Variants in DIO2 observed in about 807,000 individuals in gnomAD.
The protein encoded by DIO2 is type II iodothyronine deiodinase.
A neutral mutation model predicts 21.4 loss-of-function variants in DIO2; 19 were observed. The ratio of observed to expected loss-of-function variants is 0.89; its 90% CI spans 0.62 to 1.30. The LOEUF is 1.30. DIO2 is among the 50% of genes most tolerant of loss of function. The pLI, the probability that DIO2 is intolerant of heterozygous loss-of-function variation, is 0.00. For synonymous variants in DIO2, 122 were observed against 132.9 expected, an observed-to-expected ratio of 0.92 and a Z score of 0.57; for missense variants, 302 against 338.1, an observed-to-expected ratio of 0.89 and a Z score of 0.84.
intron 2 of DIO2, among the ~76,000 whole-genome samples, chr14:80,219,815 T>G (rs546382456): frequency 6.6e-5 from 10 of 152,292 alleles, no homozygotes; most frequent in Middle Eastern, 3.4e-3. Flanking sequence ...CTAAATACAG[T>G]ATTACAAAAT....
chr14:80,214,269 G>T (rs1462954319), upstream of DIO2, among the ~76,000 whole-genome samples: 2 of 152,170 alleles, frequency 1.3e-5, no homozygotes, highest in Non-Finnish European at 2.9e-5. Context: ...CCCTGCAGTG[G>T]AGACTTCAGC....
intron 2 of DIO2, among the ~76,000 whole-genome samples, chr14:80,217,117 T>A (rs1888377931): frequency 6.6e-6 from 1 of 152,192 alleles, no homozygotes; most frequent in Non-Finnish European, 1.5e-5. Context: ...AAACTAGATA[T>A]TCTATTCTAA....
intron 2 of DIO2, among the ~76,000 whole-genome samples, chr14:80,226,986 G>A (rs1421912528): frequency 2.0e-5 from 3 of 152,062 alleles, no homozygotes; most frequent in Non-Finnish European, 4.4e-5. Context: ...CAAATGATTG[G>A]CTACAGCCTA....
intron 1 of DIO2, among the ~76,000 whole-genome samples, chr14:80,208,171 T>C (rs8009555): frequency 0.15 from 22,348 of 152,142 alleles, 2,139 homozygotes; most frequent in East Asian, 0.3. Context: ...CACAAGGATA[T>C]ACTGTTCAGA....
At chr14:80,206,299 T>C in intron 1 of DIO2, 3 of 1,573,438 alleles carry the variant, frequency 1.9e-6, no homozygotes, top group Non-Finnish European at 2.6e-6. Context: ...AGTCATAAAA[T>C]GTGTCCATCT....
intron 2 of DIO2, among the ~76,000 whole-genome samples, chr14:80,218,026 T>G (rs573921945): frequency 1.2e-4 from 19 of 152,198 alleles, no homozygotes; most frequent in Admixed American, 3.3e-4. Flanking sequence ...GAGGTTAAAA[T>G]GTTTTCTCAT....
At chr14:80,211,189 C>G (rs1888172764) in intron 1 of DIO2, 62 bp downstream of exon 1, 1 of 1,508,482 alleles carries the variant, frequency 6.6e-7, no homozygotes, top group African/African-American at 1.4e-5. Flanking sequence ...GGCCTCTGGT[C>G]CCCAGCATAT....
chr14:80,205,084 C>T (rs1380753599), intron 1 of DIO2, among the ~76,000 whole-genome samples: 1 of 152,008 alleles, frequency 6.6e-6, no homozygotes, highest in African/African-American at 2.4e-5. Flanking sequence ...GCACATTTAG[C>T]TGGATTCTTT....
At position 80,225,669 on chromosome 14, in the gene DIO2, G is replaced by GA. The variant is rs1555355447; in HGVS notation, c.-277-8933_-277-8932insT. Among the ~76,000 whole-genome samples, 7 of 152,084 alleles carry GA rather than the reference G, an allele frequency of 4.6e-5. No homozygotes were observed. The East Asian group carries it at 1.2e-3, about 25-fold the overall frequency. On this transcript the variant is annotated intron_variant, in intron 2 of 4. Transcript: ENST00000553594. ...CAGCAAACACCTCAGCAGGTCGTGG[G>GA]TTTTTTTTCCTGGTGAAGTGACTCA... is the stretch of plus-strand genomic sequence containing the variant.
upstream of DIO2, chr14:80,212,022 T>A (rs117085347): frequency 2.0e-5 from 3 of 151,152 alleles, no homozygotes; most frequent in East Asian, 5.9e-4. Flanking sequence ...AGTTTTTTTT[T>A]TTTCTTTCTT....
At position 80,211,335 on chromosome 14, in the gene DIO2, G is replaced by A; in HGVS notation, c.138C>T (p.Ser46=). 6.2e-7 allele frequency: 1 copy of A among 1,613,762 alleles called. No homozygotes were observed. Among genetic ancestry groups the A allele is most frequent in the Non-Finnish European group, 8.5e-7 (1 of 1,179,862 alleles). The part of the protein sequence containing the change: ...HVVLLLSRSK[S]TRGEWRRMLT... ...GCATGCGCCGCCACTCTCCGCGAGT[G>A]GACTTGGAGCGGCTCAACAGCAGCA... The change falls in exon 1 of 2, where the codon TCC becomes TCT. Residue 46 remains serine, a synonymous_variant. Transcript: ENST00000438257.
Position 80,200,740 on chromosome 14 carries a change from G to A in DIO2, c.*1949C>T, listed in dbSNP as rs1184007384. On this transcript the variant is annotated 3_prime_UTR_variant, in exon 2 of 2. Transcript: ENST00000438257. ...GAATTTAGAACATTAGAAAGCTGATGTTGCCATGAAAAATCAGTCCCAATG... is the reference window on the plus strand; with the variant it reads ...GAATTTAGAACATTAGAAAGCTGATATTGCCATGAAAAATCAGTCCCAATG... The A allele has an allele frequency of 1.3e-5, 2 of 152,110 alleles. No homozygotes were observed. Among genetic ancestry groups the A allele is most frequent in the Non-Finnish European group, 2.9e-5 (2 of 68,024 alleles). The allele number at this position is 152,110 out of a possible 1,614,324, so 9.4% of individuals were successfully genotyped here.
chr14:80,206,604 G>C (rs1032434144), intron 1 of DIO2, among the ~76,000 whole-genome samples: 6 of 152,104 alleles, frequency 3.9e-5, no homozygotes, highest in Non-Finnish European at 8.8e-5. Context: ...CCTTGACACA[G>C]AGCCAAAATG....
upstream of DIO2, among the ~76,000 whole-genome samples, chr14:80,213,491 T>G (rs1888275915): frequency 6.6e-6 from 1 of 152,208 alleles, no homozygotes; most frequent in African/African-American, 2.4e-5. Flanking sequence ...TTCTGCATAT[T>G]AATGCATTTT....
At chr14:80,210,970 C>T (rs1888159842) in intron 1 of DIO2, among the ~76,000 whole-genome samples, 1 of 152,186 alleles carries the variant, frequency 6.6e-6, no homozygotes, top group South Asian at 2.1e-4. Context: ...GTTATCGTAC[C>T]AGCACAATGC....
intron 1 of DIO2, among the ~76,000 whole-genome samples, chr14:80,208,377 T>C (rs985024784): frequency 6.6e-6 from 1 of 152,054 alleles, no homozygotes; most frequent in Non-Finnish European, 1.5e-5. Context: ...AAAGGGTTTA[T>C]TTAAAAAAAA....
At chr14:80,229,025 C>T (rs978054322) in intron 2 of DIO2, among the ~76,000 whole-genome samples, 46 of 152,134 alleles carry the variant, frequency 3.0e-4, no homozygotes, top group African/African-American at 1.1e-3. Context: ...GGGGTCCTAA[C>T]CTCAAGGGGA....
intron 2 of DIO2, among the ~76,000 whole-genome samples, chr14:80,221,128 C>A (rs1445935777): frequency 2.6e-5 from 4 of 152,156 alleles, no homozygotes; most frequent in South Asian, 4.1e-4. Context: ...ATCTTTATAA[C>A]CCCTACTCAC....
At chr14:80,211,539 G>GTGAA, upstream of DIO2, 1 of 899,908 alleles carries the variant, frequency 1.1e-6, no homozygotes, top group Non-Finnish European at 1.6e-6. Flanking sequence ...ATTTAAAAGG[G>GTGAA]GGGTGGTGAT....
Sources: gnomAD v4.1 joint callset for allele counts (sites outside exome capture counted in the v4.1 genomes callset) on GRCh38, gnomAD v4.1.1 for gene constraint, MANE v1.5 for transcripts, NCBI Gene and HGNC (gene_info 2026-07-23, HGNC 2026-07-21) for gene names.